ALK: variants seen among roughly 807,000 people sequenced by gnomAD.
The protein encoded by ALK is ALK tyrosine kinase receptor.
In ALK, 74 loss-of-function variants were observed where a neutral mutation model predicts 163.1. The ratio of observed to expected loss-of-function variants is 0.45; its 90% confidence interval spans 0.38 to 0.55. The LOEUF (loss-of-function observed/expected upper bound fraction) is 0.55. Ranked by LOEUF, ALK falls within the 20% of genes least tolerant of loss-of-function variation. The pLI is 0.00. For missense variants in ALK, 2,063 were observed against 2,105.3 expected (o/e 0.98, Z 0.39); for synonymous variants, 960 against 843.2 (o/e 1.14, Z -2.40).
Position 29,827,864 on chromosome 2 carries a change from T to C in ALK, c.667+92129A>G, listed in dbSNP as rs143082725. On this transcript the variant is annotated intron_variant, in intron 1 of 28. Transcript: ENST00000389048. ...AAAAGAGCCCGCATTTCCAAGTCAA[T>C]CCTAAGCCAAAAGAAGAAAGCTGGA... is the stretch of plus-strand genomic sequence containing the variant. 6.6e-3 allele frequency among the ~76,000 whole-genome samples: 1,009 copies of C among 152,278 alleles called. 14 individuals carry two copies. Among genetic ancestry groups the C allele is most frequent in the Non-Finnish European group, 7.9e-3 (537 of 68,034 alleles).
At chr2:29,359,827 C>T (rs2148285742) in intron 5 of ALK, among the ~76,000 whole-genome samples, 1 of 152,342 alleles carries the variant, frequency 6.6e-6, no homozygotes, top group Non-Finnish European at 1.5e-5. Flanking sequence ...ATAATTCCAC[C>T]TAACACAGTT....
At chr2:29,514,963 T>C (rs1672623317) in intron 4 of ALK, among the ~76,000 whole-genome samples, 1 of 152,204 alleles carries the variant, frequency 6.6e-6, no homozygotes, top group Non-Finnish European at 1.5e-5. Flanking sequence ...GCTTTGAAGA[T>C]AAGGATTATG....
chr2:29,200,728 TGTATATATATAC>T (rs1478655677), intron 26 of ALK, among the ~76,000 whole-genome samples: 93 of 139,282 alleles, frequency 6.7e-4, no homozygotes, highest in African/African-American at 1.9e-3. Flanking sequence ...TACGTATATA[TGTATATATATAC>T]GTATATATAT....
intron 8 of ALK, among the ~76,000 whole-genome samples, chr2:29,304,493 TAA>T (rs70958256): frequency 5.6e-5 from 7 of 125,422 alleles, no homozygotes; most frequent in Non-Finnish European, 8.2e-5. Flanking sequence ...AGACTGTGTC[TAA>T]AAAAAAAAAA....
chr2:29,259,429 G>C (rs938945133), intron 11 of ALK, among the ~76,000 whole-genome samples: 1 of 152,056 alleles, frequency 6.6e-6, no homozygotes, highest in African/African-American at 2.4e-5. Flanking sequence ...CAGTCATTAT[G>C]TTGCTATTTC....
chr2:29,752,124 T>C (rs1324758927), intron 1 of ALK, among the ~76,000 whole-genome samples: 1 of 152,214 alleles, frequency 6.6e-6, no homozygotes, highest in Non-Finnish European at 1.5e-5. Context: ...CTTCTGACTT[T>C]ATGATGGTGC....
intron 1 of ALK, among the ~76,000 whole-genome samples, chr2:29,768,211 C>T (rs1048030196): frequency 2.6e-5 from 4 of 152,210 alleles, no homozygotes; most frequent in Non-Finnish European, 5.9e-5. Context: ...GGACAATAAA[C>T]AGATTTAGCA....
intron 4 of ALK, among the ~76,000 whole-genome samples, chr2:29,452,276 C>T (rs1043255940): frequency 6.6e-6 from 1 of 151,862 alleles, no homozygotes; most frequent in Non-Finnish European, 1.5e-5. Flanking sequence ...AAGGCTTTTG[C>T]TGTTGTATGC....
At chr2:29,645,479 C>T (rs1676845948) in intron 3 of ALK, among the ~76,000 whole-genome samples, 2 of 152,122 alleles carry the variant, frequency 1.3e-5, no homozygotes, top group African/African-American at 4.8e-5. Flanking sequence ...GTATCATTTT[C>T]ATGAAAAGAA....
At chr2:29,194,040 T>C (rs1668962082) in intron 28 of ALK, 118 bp from the exon 29 acceptor site, 2 of 1,026,848 alleles carry the variant, frequency 1.9e-6, no homozygotes, top group East Asian at 2.5e-5. Context: ...CCAGGATTTA[T>C]TGAGAATATA....
At chr2:29,239,871 A>G in intron 12 of ALK, 41 bp from the exon 13 acceptor site, 1 of 1,598,376 alleles carries the variant, frequency 6.3e-7, no homozygotes, top group Non-Finnish European at 8.5e-7. Context: ...CTGTGGTATG[A>G]AGACTGTCCC....
At chr2:29,503,646 A>G (rs1672243622) in intron 4 of ALK, among the ~76,000 whole-genome samples, 1 of 152,128 alleles carries the variant, frequency 6.6e-6, no homozygotes, top group Non-Finnish European at 1.5e-5. Context: ...CTGGCTTAAG[A>G]ATCCCAGCCC....
chr2:29,421,927 T>C (rs1670026013), intron 4 of ALK, among the ~76,000 whole-genome samples: 1 of 151,696 alleles, frequency 6.6e-6, no homozygotes, highest in Non-Finnish European at 1.5e-5. Flanking sequence ...CTAGAAATTC[T>C]AGAAAAGCAA....
chr2:29,456,731 A>G (rs1343403824), intron 4 of ALK, among the ~76,000 whole-genome samples: 1 of 152,224 alleles, frequency 6.6e-6, no homozygotes, highest in Non-Finnish European at 1.5e-5. Context: ...GTATTTTACC[A>G]TAATAAAAAA....
intron 1 of ALK, among the ~76,000 whole-genome samples, chr2:29,735,762 A>G (rs1171340141): frequency 6.6e-6 from 1 of 151,912 alleles, no homozygotes; most frequent in Non-Finnish European, 1.5e-5. Context: ...TTTGCTCGGC[A>G]TTTCTTTCTC....
intron 12 of ALK, among the ~76,000 whole-genome samples, chr2:29,241,448 C>T (rs1004426178): frequency 2.0e-5 from 3 of 151,750 alleles, no homozygotes; most frequent in African/African-American, 7.3e-5. Context: ...AATCTCTGGC[C>T]AAAATAAGGG....
At chr2:29,553,047 T>C (rs1673756935) in intron 3 of ALK, among the ~76,000 whole-genome samples, 2 of 152,182 alleles carry the variant, frequency 1.3e-5, no homozygotes, top group Admixed American at 1.3e-4. Flanking sequence ...TAATCATCCT[T>C]CCAGATTCAG....
chr2:29,383,897 A>T, intron 4 of ALK, 38 bp from the exon 5 acceptor site: 1 of 1,613,640 alleles, frequency 6.2e-7, no homozygotes, highest in South Asian at 1.1e-5. Context: ...AAGCATAGAG[A>T]AACAGATATG....
chr2:29,862,127 C>T (rs1255434083), intron 1 of ALK, among the ~76,000 whole-genome samples: 1 of 152,020 alleles, frequency 6.6e-6, no homozygotes, highest in African/African-American at 2.4e-5. Context: ...TGTACCTCAA[C>T]ACAATAAAAG....
Sources: gnomAD v4.1 joint callset for allele counts (sites outside exome capture counted in the v4.1 genomes callset) on GRCh38, gnomAD v4.1.1 for gene constraint, MANE v1.5 for transcripts, NCBI Gene and HGNC (gene_info 2026-07-23, HGNC 2026-07-21) for gene names.